PTPRG: variants seen among roughly 807,000 people sequenced by gnomAD.
PTPRG encodes the protein protein tyrosine phosphatase receptor type G.
PTPRG carries 102 observed loss-of-function variants against 165.3 expected under a neutral mutation model. The observed-to-expected ratio is 0.62, with a 90% CI of 0.53 to 0.73. The LOEUF is 0.73. Ranked by LOEUF, PTPRG falls within the 30% of genes least tolerant of loss-of-function variation. PTPRG has a pLI of 0.00. For missense variants in PTPRG, 1,866 were observed against 1,861.4 expected (o/e 1.00, Z -0.05); for synonymous variants, 675 against 669.5 (o/e 1.01, Z -0.13).
chr3:62,066,209 A>G (rs1403281754), intron 4 of PTPRG, among the ~76,000 whole-genome samples: 1 of 152,232 alleles, frequency 6.6e-6, no homozygotes, highest in Non-Finnish European at 1.5e-5. Context: ...GACGAGGTGG[A>G]AAATACAATA....
chr3:62,244,666 C>G (rs1701250918), intron 15 of PTPRG, among the ~76,000 whole-genome samples: 1 of 152,192 alleles, frequency 6.6e-6, no homozygotes, highest in African/African-American at 2.4e-5. Context: ...TGAAGCTCCC[C>G]CATCCTGCTG....
At chr3:61,886,150 C>G (rs114560857) in intron 2 of PTPRG, among the ~76,000 whole-genome samples, 2 of 152,082 alleles carry the variant, frequency 1.3e-5, no homozygotes, top group South Asian at 4.2e-4. Context: ...AAGATAACTT[C>G]GCTATTCCTG....
At chr3:62,141,278 G>A (rs1457840938) in intron 6 of PTPRG, among the ~76,000 whole-genome samples, 9 of 152,124 alleles carry the variant, frequency 5.9e-5, no homozygotes, top group South Asian at 4.1e-4. Flanking sequence ...CCATTTCTAT[G>A]TCTGTCCCCT....
intron 2 of PTPRG, among the ~76,000 whole-genome samples, chr3:61,897,875 G>T (rs541655795): frequency 3.3e-5 from 5 of 152,172 alleles, no homozygotes; most frequent in African/African-American, 1.2e-4. Flanking sequence ...ATATAGAAAT[G>T]TGATGGACTT....
chr3:61,734,782 A>G (rs2032654537), intron 1 of PTPRG, among the ~76,000 whole-genome samples: 1 of 152,252 alleles, frequency 6.6e-6, no homozygotes, highest in South Asian at 2.1e-4. Flanking sequence ...TTGCAGAGTC[A>G]TAAAAGGATT....
intron 2 of PTPRG, among the ~76,000 whole-genome samples, chr3:61,835,250 T>C (rs1239156267): frequency 6.6e-6 from 1 of 152,182 alleles, no homozygotes; most frequent in Non-Finnish European, 1.5e-5. Flanking sequence ...GCTTAGGTTA[T>C]TCCATTAGCC....
intron 2 of PTPRG, among the ~76,000 whole-genome samples, chr3:61,842,828 A>G (rs1157782107): frequency 6.6e-6 from 1 of 152,188 alleles, no homozygotes; most frequent in Non-Finnish European, 1.5e-5. Context: ...TGGTCCCTGA[A>G]TGACAACCTG....
rs187108841 is a variant in PTPRG at position 62,289,529 on chromosome 3, A to G, written c.4056-2892A>G. Reference sequence around the variant, plus strand: ...AAAAAGCTGTCTAATAAAACCCAGTATATTAAAAGAATTACACATCATGAA... The same window carrying G: ...AAAAAGCTGTCTAATAAAACCCAGTGTATTAAAAGAATTACACATCATGAA... On this transcript the variant is annotated intron_variant, in intron 28 of 29. Coordinates refer to ENST00000474889, the MANE Select transcript of PTPRG (RefSeq NM_002841.4). 2.9e-3 allele frequency among the ~76,000 whole-genome samples: 446 copies of G among 152,270 alleles called. 3 individuals are homozygous for G. The highest frequency in any genetic ancestry group is 0.01 in the African/African-American group (425 of 41,562).
chr3:62,083,996 T>C (rs549280811), intron 5 of PTPRG, among the ~76,000 whole-genome samples: 2 of 152,358 alleles, frequency 1.3e-5, no homozygotes, highest in South Asian at 2.1e-4. Flanking sequence ...GTCATATGAA[T>C]GCTTGAAATT....
chr3:61,664,943 CCT>C (rs1288956923), intron 1 of PTPRG, among the ~76,000 whole-genome samples: 1 of 152,146 alleles, frequency 6.6e-6, no homozygotes, highest in Non-Finnish European at 1.5e-5. Flanking sequence ...CTGGACATCC[CCT>C]GTTTTGGTTC....
intron 1 of PTPRG, among the ~76,000 whole-genome samples, chr3:61,609,116 C>T (rs1367474030): frequency 6.6e-6 from 1 of 152,174 alleles, no homozygotes; most frequent in Non-Finnish European, 1.5e-5. Context: ...GAAAATTACT[C>T]TTCAGGACGA....
At chr3:61,932,264 T>C (rs1012617482) in intron 2 of PTPRG, among the ~76,000 whole-genome samples, 5 of 152,212 alleles carry the variant, frequency 3.3e-5, no homozygotes, top group Non-Finnish European at 7.3e-5. Context: ...CATAGATTCT[T>C]GTAATGCAGC....
chr3:62,281,487 A>C, intron 26 of PTPRG, 76 bp from the exon 27 acceptor site: 1 of 1,360,520 alleles, frequency 7.4e-7, no homozygotes, highest in East Asian at 2.6e-5. Flanking sequence ...GGGAAATGAC[A>C]AAATCCGTAT....
chr3:62,231,227 GGTGTA>G lies in PTPRG; in HGVS notation c.2292_2296del (p.Cys765GlnfsTer13), dbSNP rs746713779. The stretch of plus-strand genomic sequence containing the variant: ...TCTTTTGTTTTTTGTCCATTTAGAG[GGTGTA>G]ACAAAATAAAGTCCAAGGGCTTTCC... On this transcript the variant is annotated frameshift_variant, in exon 14 of 30. Transcript: ENST00000474889. LOFTEE classifies it high-confidence loss of function. 1.3e-6 allele frequency: 2 copies of G among 1,566,896 alleles called. No individual in the cohort carries two copies. The highest frequency in any genetic ancestry group is 4.7e-5 in the East Asian group (2 of 42,434).
intron 2 of PTPRG, among the ~76,000 whole-genome samples, chr3:61,962,445 T>C (rs533686851): frequency 6.6e-6 from 1 of 152,262 alleles, no homozygotes; most frequent in East Asian, 1.9e-4. Flanking sequence ...ATCTGTGAAA[T>C]GGGAATTACA....
intron 1 of PTPRG, among the ~76,000 whole-genome samples, chr3:61,703,814 T>C (rs988598742): frequency 6.6e-6 from 1 of 152,246 alleles, no homozygotes; most frequent in Admixed American, 6.5e-5. Context: ...TTAATGAAAG[T>C]TCAGCTCTCT....
intron 1 of PTPRG, chr3:61,742,403 ATT>A (rs34010935): frequency 0.012 from 8,622 of 723,444 alleles, no homozygotes; most frequent in East Asian, 0.028. Context: ...TGGGTCTGGA[ATT>A]TTTTTTTTTT....
intron 14 of PTPRG, among the ~76,000 whole-genome samples, chr3:62,239,349 C>CTTTCTT (rs1701104106): frequency 6.9e-6 from 1 of 144,076 alleles, no homozygotes; most frequent in African/African-American, 2.6e-5. Context: ...TTCTTTCTTT[C>CTTTCTT]TTTTTTCTTT....
At chr3:61,595,908 G>GT (rs1014441555) in intron 1 of PTPRG, among the ~76,000 whole-genome samples, 16 of 152,210 alleles carry the variant, frequency 1.1e-4, no homozygotes, top group African/African-American at 3.6e-4. Flanking sequence ...GTACCATTGT[G>GT]TTTTTTTAGC....
Sources: gnomAD v4.1 joint callset for allele counts (sites outside exome capture counted in the v4.1 genomes callset) on GRCh38, gnomAD v4.1.1 for gene constraint, MANE v1.5 for transcripts, NCBI Gene and HGNC (gene_info 2026-07-23, HGNC 2026-07-21) for gene names.